The following HERC6 variants were observed in gnomAD, a reference collection of about 807,000 sequenced individuals.
HERC6 encodes the protein probable E3 ubiquitin-protein ligase HERC6.
In HERC6, 101 loss-of-function variants were observed where a neutral mutation model predicts 114.5. The observed-to-expected ratio is 0.88, with a 90% CI of 0.75 to 1.04. HERC6 has a LOEUF of 1.04. HERC6 is among the 50% of genes least tolerant of loss of function. HERC6 has a pLI of 0.00. For synonymous variants in HERC6, 408 were observed against 436.2 expected (o/e 0.94, Z 0.81); for missense variants, 1,133 against 1,230.9 (o/e 0.92, Z 1.19).
At chr4:88,383,721 G>A (rs1386868019) in intron 2 of HERC6, among the ~76,000 whole-genome samples, 1 of 122,686 alleles carries the variant, frequency 8.2e-6, no homozygotes, top group Non-Finnish European at 1.6e-5. Context: ...CTGGGACAGC[G>A]CCACTGCACT....
chr4:88,430,601 T>A (rs746892549), intron 16 of HERC6, among the ~76,000 whole-genome samples: 1 of 150,992 alleles, frequency 6.6e-6, no homozygotes, highest in Non-Finnish European at 1.5e-5. Flanking sequence ...AATAAATAAA[T>A]AAATAAATAA....
At chr4:88,401,191 G>C (rs1358243987) in intron 8 of HERC6, among the ~76,000 whole-genome samples, 2 of 152,134 alleles carry the variant, frequency 1.3e-5, no homozygotes, top group Non-Finnish European at 2.9e-5. Flanking sequence ...GGTTTCTCAT[G>C]CTGCATAAGA....
At chr4:88,410,651 T>G (rs1319996835) in intron 11 of HERC6, among the ~76,000 whole-genome samples, 3 of 152,136 alleles carry the variant, frequency 2.0e-5, no homozygotes, top group African/African-American at 4.8e-5. Flanking sequence ...ATATGAATTT[T>G]GGGGAACACA....
Position 88,390,667 on chromosome 4 carries a change from C to T in HERC6, c.452C>T (p.Ser151Leu), listed in dbSNP as rs1434554720. Residue 151 changes from serine (S) to leucine (L), a missense_variant, in exon 4 of 23, where the codon TCG becomes TTG. Ser to Leu is a moderately radical substitution (Grantham distance 145). Around this residue, in one of 3 missense-constraint regions of HERC6, gnomAD observed 735 missense variants for 754.0 expected, o/e 0.97. Coordinates refer to ENST00000264346, the MANE Select transcript of HERC6 (RefSeq NM_017912.4). Reference sequence around the variant, plus strand: ...TTTGTTGTAGATAGCCAAGTGTTTTCGTGGGGAAAGAACAGCCATGGGCAG... The same window carrying T: ...TTTGTTGTAGATAGCCAAGTGTTTTTGTGGGGAAAGAACAGCCATGGGCAG... ...LALSKDSQVF[S>L]WGKNSHGQLG... 20 of 1,602,048 alleles carry T rather than the reference C, an allele frequency of 1.2e-5. No individual in the cohort carries two copies. The highest frequency in any genetic ancestry group is 2.7e-5 in the African/African-American group (2 of 74,712).
chr4:88,390,506 A>G (rs1734850909), intron 3 of HERC6, 146 bp from the exon 4 acceptor site: 1 of 706,032 alleles, frequency 1.4e-6, no homozygotes, highest in Non-Finnish European at 2.3e-6. Context: ...TCAGCTCATC[A>G]TATTGTATAC....
intron 11 of HERC6, among the ~76,000 whole-genome samples, chr4:88,410,612 A>G (rs552566882): frequency 1.3e-5 from 2 of 152,302 alleles, no homozygotes; most frequent in South Asian, 2.1e-4. Flanking sequence ...ACCTCTTAAT[A>G]CTATCATATT....
chr4:88,383,513 C>G (rs1734423267), intron 2 of HERC6, 133 bp downstream of exon 2: 3 of 644,364 alleles, frequency 4.7e-6, no homozygotes, highest in East Asian at 3.5e-5. Flanking sequence ...AATCCCAACA[C>G]TTTGGAAGGC....
At chr4:88,428,514 T>C (rs1737857298) in intron 15 of HERC6, 66 bp from the exon 16 acceptor site, 12 of 1,245,262 alleles carry the variant, frequency 9.6e-6, no homozygotes, top group Non-Finnish European at 1.2e-5. Flanking sequence ...ATTGGAAGTA[T>C]TAAACAATCC....
At chr4:88,427,028 G>A (rs192462876) in intron 15 of HERC6, among the ~76,000 whole-genome samples, 2 of 152,244 alleles carry the variant, frequency 1.3e-5, no homozygotes, top group Admixed American at 6.5e-5. Flanking sequence ...GTGAGTAGTC[G>A]AGGGTTGAGT....
At chr4:88,401,490 C>T (rs527885322) in intron 8 of HERC6, among the ~76,000 whole-genome samples, 4 of 56,734 alleles carry the variant, frequency 7.1e-5, no homozygotes, top group Admixed American at 2.1e-4. Flanking sequence ...GACTCCATCT[C>T]AAAAAAAAAA....
At chr4:88,387,635 TC>T (rs569069074) in intron 3 of HERC6, among the ~76,000 whole-genome samples, 1 of 152,216 alleles carries the variant, frequency 6.6e-6, no homozygotes, top group South Asian at 2.1e-4. Context: ...CTTCTACCTG[TC>T]ATTTCTAGCT....
In HERC6 at chr4:88,379,096, G is replaced by A. The variant is rs1362394692; in HGVS notation, c.175G>A (p.Gly59Ser). The change falls in exon 1 of 23, where the codon GGC becomes AGC. Residue 59 changes from glycine (G) to serine (S), a missense_variant. Physicochemically the swap from Gly to Ser is moderately conservative, Grantham distance 56 (BLOSUM62 0). This residue lies in a region of HERC6 where 735 missense variants were observed against 754.0 expected (regional missense o/e 0.97). Transcript: ENST00000264346. ...DNSRGQLGRR[G>S]AQRGELPEPI... is the part of the protein sequence containing the mutation. ...CAGCAGGGGTCAGCTGGGCCGCAGGGGCGCGCAGCGCGGGGAGCTGCCAGG... is the reference window on the plus strand; with the variant it reads ...CAGCAGGGGTCAGCTGGGCCGCAGGAGCGCGCAGCGCGGGGAGCTGCCAGG... 12 of 1,544,758 alleles carry A rather than the reference G, an allele frequency of 7.8e-6. No homozygotes were observed. Among genetic ancestry groups the A allele is most frequent in the Admixed American group, 5.9e-5 (3 of 51,002 alleles).
intron 13 of HERC6, among the ~76,000 whole-genome samples, chr4:88,423,124 T>C (rs188409314): frequency 6.6e-6 from 1 of 152,160 alleles, no homozygotes; most frequent in East Asian, 1.9e-4. Flanking sequence ...AGACGCAGTC[T>C]TTTCATTTGT....
At chr4:88,408,427 G>T in intron 10 of HERC6, 97 bp from the exon 11 acceptor site, 1 of 755,688 alleles carries the variant, frequency 1.3e-6, no homozygotes, top group Non-Finnish European at 2.3e-6. Flanking sequence ...AAAAAGGTTT[G>T]TATCTTATAT....
chr4:88,413,298 A>C, intron 12 of HERC6, 32 bp downstream of exon 12: 115 of 1,508,516 alleles, frequency 7.6e-5, no homozygotes, highest in Non-Finnish European at 9.5e-5. Context: ...CTGTACTCTC[A>C]ATATAGAGTC....
chr4:88,385,398 T>C, intron 2 of HERC6, 101 bp from the exon 3 acceptor site: 4 of 649,954 alleles, frequency 6.2e-6, no homozygotes, highest in Non-Finnish European at 1.1e-5. Flanking sequence ...ATAGTTTTCC[T>C]GGACCAGATG....
At chr4:88,438,246 A>G (rs561805187) in intron 20 of HERC6, among the ~76,000 whole-genome samples, 1 of 151,992 alleles carries the variant, frequency 6.6e-6, no homozygotes, top group Non-Finnish European at 1.5e-5. Flanking sequence ...AGGGTTCAAT[A>G]TTTCCTTTGT....
intron 20 of HERC6, 32 bp from the exon 21 acceptor site, chr4:88,439,842 C>CT (rs537714979): frequency 0.017 from 16,711 of 998,680 alleles, 10 homozygotes; most frequent in East Asian, 0.019. Context: ...TCCTTCCTTT[C>CT]TTTTTTTTTT....
In HERC6 at chr4:88,393,447, T is replaced by C. The variant is rs370977781; in HGVS notation, c.665-41T>C. ...AATGTAAATAGTCATGAAATCTGAG[T>C]CTGTTTCTTATACTCTAGAGATTCT... On this transcript the variant is annotated intron_variant, in intron 4 of 22. Coordinates refer to ENST00000264346, the MANE Select transcript of HERC6 (RefSeq NM_017912.4). The C allele has an allele frequency of 6.4e-5, 74 of 1,160,450 alleles. No homozygotes were observed. The African/African-American group carries it at 1.1e-3, about 17-fold the overall frequency. 71.9% of individuals were successfully genotyped at this position (1,160,450 alleles called of 1,614,324 possible).
Sources: allele counts gnomAD v4.1 joint callset (sites outside exome capture counted in the v4.1 genomes callset), GRCh38; gene constraint gnomAD v4.1.1; regional missense constraint gnomAD v4.1.1; transcripts MANE v1.5; gene names NCBI Gene and HGNC (gene_info 2026-07-23, HGNC 2026-07-21).